Variants in CDYL observed in about 807,000 individuals in gnomAD.
CDYL encodes chromodomain Y-like protein.
In CDYL, 8 loss-of-function variants were observed where a neutral mutation model predicts 47.3. The ratio of observed to expected loss-of-function variants is 0.17; its 90% CI spans 0.10 to 0.31. CDYL has a LOEUF of 0.31. Among genes scored for constraint, CDYL ranks in the 10% least tolerant of loss-of-function variants. CDYL has a pLI of 1.00. For missense variants in CDYL, 471 were observed against 701.4 expected (o/e 0.67, Z 3.71); for synonymous variants, 266 against 265.0 (o/e 1.00, Z -0.04).
At chr6:4,856,937 A>G (rs967926331) in intron 1 of CDYL, among the ~76,000 whole-genome samples, 1 of 152,172 alleles carries the variant, frequency 6.6e-6, no homozygotes, top group African/African-American at 2.4e-5. Context: ...TCACTGTCTC[A>G]TATGATTTTT....
chr6:4,881,737 T>C (rs542209968), intron 1 of CDYL, among the ~76,000 whole-genome samples: 55 of 152,376 alleles, frequency 3.6e-4, no homozygotes, highest in African/African-American at 1.3e-3. Flanking sequence ...TTTATATTTA[T>C]TCACAATTTC....
intron 3 of CDYL, among the ~76,000 whole-genome samples, chr6:4,745,238 G>A (rs1757868302): frequency 6.6e-6 from 1 of 152,092 alleles, no homozygotes; most frequent in Admixed American, 6.5e-5. Flanking sequence ...GGCATGACAG[G>A]CCTGAGCCAC....
At chr6:4,745,510 G>A (rs1481888959) in intron 3 of CDYL, among the ~76,000 whole-genome samples, 1 of 152,040 alleles carries the variant, frequency 6.6e-6, no homozygotes, top group African/African-American at 2.4e-5. Context: ...GCTGAGGTGG[G>A]CAGAAAAGAT....
intron 3 of CDYL, among the ~76,000 whole-genome samples, chr6:4,740,736 G>C (rs1757782673): frequency 6.6e-6 from 1 of 151,614 alleles, no homozygotes; most frequent in African/African-American, 2.4e-5. Flanking sequence ...TCTCTTCTCT[G>C]TATCCACAGC....
At chr6:4,874,443 A>C (rs545962196) in intron 1 of CDYL, among the ~76,000 whole-genome samples, 1 of 152,178 alleles carries the variant, frequency 6.6e-6, no homozygotes, top group South Asian at 2.1e-4. Flanking sequence ...TCCTCATGGG[A>C]AGCTCTGCCT....
At chr6:4,800,801 T>C (rs1759205044) in intron 1 of CDYL, among the ~76,000 whole-genome samples, 1 of 152,250 alleles carries the variant, frequency 6.6e-6, no homozygotes, top group Non-Finnish European at 1.5e-5. Context: ...TTTGTTCTTA[T>C]CGTTATTGTT....
At chr6:4,864,334 C>T (rs900893471) in intron 1 of CDYL, among the ~76,000 whole-genome samples, 3 of 152,054 alleles carry the variant, frequency 2.0e-5, no homozygotes, top group African/African-American at 4.8e-5. Flanking sequence ...ATGTCTAAAC[C>T]ACATTAGTTG....
chr6:4,872,813 G>A (rs1220599347), intron 1 of CDYL, among the ~76,000 whole-genome samples: 1 of 152,192 alleles, frequency 6.6e-6, no homozygotes, highest in Non-Finnish European at 1.5e-5. Context: ...TCTATTTTTA[G>A]TACCTGAACA....
Position 4,758,082 on chromosome 6 carries a change from G to A in CDYL, c.186+23238G>A, listed in dbSNP as rs140653495. Among the ~76,000 whole-genome samples the A allele has an allele frequency of 2.2e-3, 337 of 152,112 alleles. 1 individual carries two copies. The highest frequency in any genetic ancestry group is 7.6e-3 in the African/African-American group (315 of 41,458). Reference sequence around the variant, plus strand: ...TGGCCTGGTGCAGTGGCTCACACTTGTAATCCCAGCACTTTGGGAGGCTGA... The same window carrying A: ...TGGCCTGGTGCAGTGGCTCACACTTATAATCCCAGCACTTTGGGAGGCTGA... On this transcript the variant is annotated intron_variant, in intron 3 of 8. Coordinates refer to the CDYL transcript ENST00000328908.
chr6:4,908,509 C>G (rs1358015793), intron 2 of CDYL, among the ~76,000 whole-genome samples: 1 of 152,174 alleles, frequency 6.6e-6, no homozygotes, highest in Non-Finnish European at 1.5e-5. Flanking sequence ...ATTAAGCTAG[C>G]TACTTATTGA....
intron 2 of CDYL, among the ~76,000 whole-genome samples, chr6:4,898,664 A>G (rs973741964): frequency 2.0e-5 from 3 of 152,126 alleles, no homozygotes; most frequent in African/African-American, 4.8e-5. Flanking sequence ...CAGAGTGAGC[A>G]TAGTGGTCCG....
At chr6:4,861,320 AGGCTGGT>A (rs1761162722) in intron 1 of CDYL, among the ~76,000 whole-genome samples, 1 of 152,198 alleles carries the variant, frequency 6.6e-6, no homozygotes, top group African/African-American at 2.4e-5. Context: ...TCTCAGGGCC[AGGCTGGT>A]GGCTGGGGAG....
At chr6:4,706,738 G>A (rs1757053435) in intron 1 of CDYL, among the ~76,000 whole-genome samples, 2 of 152,140 alleles carry the variant, frequency 1.3e-5, no homozygotes, top group South Asian at 4.2e-4. Flanking sequence ...GCAGTGAGTC[G>A]AGATGGCACC....
At chr6:4,717,839 ATTTTT>A (rs11450522) in intron 2 of CDYL, among the ~76,000 whole-genome samples, 1 of 144,214 alleles carries the variant, frequency 6.9e-6, no homozygotes, top group Non-Finnish European at 1.5e-5. Context: ...ACCCTGTTAG[ATTTTT>A]TTTTTTCTTT....
At chr6:4,839,849 A>G (rs1366729818) in intron 1 of CDYL, among the ~76,000 whole-genome samples, 2 of 152,050 alleles carry the variant, frequency 1.3e-5, no homozygotes, top group Non-Finnish European at 2.9e-5. Flanking sequence ...AAGTTGGGTA[A>G]TGTGATTCCT....
intron 1 of CDYL, among the ~76,000 whole-genome samples, chr6:4,797,440 T>G (rs956389): frequency 1.3e-5 from 2 of 151,494 alleles, no homozygotes; most frequent in African/African-American, 2.4e-5. Context: ...TTTTTTTTTT[T>G]GAGATATAGT....
chr6:4,898,227 G>GA (rs60232350), intron 2 of CDYL, among the ~76,000 whole-genome samples: 184 of 151,756 alleles, frequency 1.2e-3, no homozygotes, highest in African/African-American at 4.1e-3. Context: ...GTCTCAAAAA[G>GA]AAAAAAAAAC....
chr6:4,727,709 G>A (rs938537837), intron 2 of CDYL, among the ~76,000 whole-genome samples: 4 of 151,634 alleles, frequency 2.6e-5, no homozygotes, highest in Non-Finnish European at 4.4e-5. Context: ...CTGACAAACC[G>A]CTTCCAGCTG....
intron 1 of CDYL, among the ~76,000 whole-genome samples, chr6:4,800,750 G>T (rs1018677418): frequency 4.6e-5 from 7 of 152,052 alleles, no homozygotes; most frequent in African/African-American, 1.4e-4. Context: ...TGAATATGTG[G>T]TCCCAGTGTC....
Sources: gnomAD v4.1 joint callset for allele counts (sites outside exome capture counted in the v4.1 genomes callset) on GRCh38, gnomAD v4.1.1 for gene constraint, MANE v1.5 for transcripts, NCBI Gene and HGNC (gene_info 2026-07-23, HGNC 2026-07-21) for gene names.